Variants in THSD4 observed in about 807,000 individuals in gnomAD.
The protein encoded by THSD4 is thrombospondin type 1 domain containing 4, also known as thrombospondin type-1 domain-containing protein 4.
A neutral mutation model predicts 119.0 loss-of-function variants in THSD4; 69 were observed. That is an observed-to-expected ratio of 0.58 (90% CI 0.48 to 0.71). THSD4 has a LOEUF of 0.71. Ranked by LOEUF, THSD4 falls within the 30% of genes least tolerant of loss-of-function variation. THSD4 has a pLI of 0.00. For missense variants in THSD4, 1,393 were observed against 1,391.1 expected (o/e 1.00, Z -0.02); for synonymous variants, 524 against 540.4 (o/e 0.97, Z 0.42).
At chr15:71,598,755 CTACAGGCACA>C (rs2049952623) in intron 7 of THSD4, among the ~76,000 whole-genome samples, 1 of 151,988 alleles carries the variant, frequency 6.6e-6, no homozygotes, top group Non-Finnish European at 1.5e-5. Flanking sequence ...CTAGCTGGGA[CTACAGGCACA>C]TACCACCCCA....
intron 6 of THSD4, among the ~76,000 whole-genome samples, chr15:71,338,379 G>A (rs2045515353): frequency 6.6e-6 from 1 of 151,826 alleles, no homozygotes; most frequent in Non-Finnish European, 1.5e-5. Flanking sequence ...TTGGACCGGA[G>A]TCTGAACACT....
intron 6 of THSD4, among the ~76,000 whole-genome samples, chr15:71,385,174 T>TA (rs574112886): frequency 3.7e-4 from 56 of 151,542 alleles, no homozygotes; most frequent in Admixed American, 5.9e-4. Context: ...CCAATTCAGT[T>TA]AAAAAAAAAT....
chr15:71,583,427 T>C (rs2049596881), intron 7 of THSD4, among the ~76,000 whole-genome samples: 1 of 151,454 alleles, frequency 6.6e-6, no homozygotes, highest in African/African-American at 2.4e-5. Flanking sequence ...TAATCTTTAT[T>C]ACTTTCTTCC....
At chr15:71,171,881 T>A (rs922407219) in intron 3 of THSD4, among the ~76,000 whole-genome samples, 2 of 152,174 alleles carry the variant, frequency 1.3e-5, no homozygotes, top group African/African-American at 4.8e-5. Flanking sequence ...AAAGGAAGTA[T>A]GATATTATAA....
chr15:71,668,238 G>A (rs8036118), intron 8 of THSD4, among the ~76,000 whole-genome samples: 40,183 of 152,042 alleles, frequency 0.26, 6,210 homozygotes, highest in East Asian at 0.74. Flanking sequence ...TGATACTAAA[G>A]CGATTTAACT....
chr15:71,561,278 T>C (rs569193174), intron 7 of THSD4, among the ~76,000 whole-genome samples: 37 of 152,288 alleles, frequency 2.4e-4, no homozygotes, highest in African/African-American at 8.9e-4. Context: ...TCGGCTCTCT[T>C]TATCTTTAAA....
chr15:71,669,331 T>C (rs1200604733), intron 8 of THSD4, among the ~76,000 whole-genome samples: 1 of 152,248 alleles, frequency 6.6e-6, no homozygotes, highest in African/African-American at 2.4e-5. Flanking sequence ...AATAACCATT[T>C]TTGGTGATGT....
intron 13 of THSD4, 113 bp downstream of exon 13, chr15:71,747,155 C>A: frequency 7.9e-7 from 1 of 1,261,640 alleles, no homozygotes; most frequent in South Asian, 1.4e-5. Flanking sequence ...AGGAGGGAAC[C>A]CGTCCCGTGG....
chr15:71,253,459 G>A (rs181701728), intron 5 of THSD4, among the ~76,000 whole-genome samples: 1 of 152,040 alleles, frequency 6.6e-6, no homozygotes, highest in African/African-American at 2.4e-5. Flanking sequence ...CCAGGCTAGA[G>A]TGCAGAGGCG....
chr15:71,766,295 C>A lies in THSD4; in HGVS notation c.2769+1096C>A, dbSNP rs186245214. 7.0e-4 allele frequency among the ~76,000 whole-genome samples: 107 copies of A among 152,128 alleles called. 1 individual carries two copies. The highest frequency in any genetic ancestry group is 3.4e-3 in the Middle Eastern group (1 of 294). On this transcript the variant is annotated intron_variant, in intron 16 of 17. Coordinates refer to ENST00000261862, the MANE Select transcript of THSD4 (RefSeq NM_024817.3). ...CCAGAAAACCTCCTGAGGGCCCCAT[C>A]CCAGGTGACCATTGGCGTAGTTCTG... is the stretch of plus-strand genomic sequence containing the variant.
chr15:71,340,405 A>T (rs1292967551), intron 6 of THSD4, among the ~76,000 whole-genome samples: 2 of 152,182 alleles, frequency 1.3e-5, no homozygotes, highest in African/African-American at 4.8e-5. Context: ...CCAAAATGCC[A>T]TCCACCCTGT....
intron 16 of THSD4, chr15:71,766,686 A>G (rs1221882957): frequency 1.3e-5 from 2 of 152,170 alleles, no homozygotes; most frequent in Non-Finnish European, 2.9e-5. Context: ...TTCTTTTGTC[A>G]TCTGATTTGG....
chr15:71,744,533 GT>G (rs2053297884), intron 11 of THSD4, among the ~76,000 whole-genome samples: 1 of 152,158 alleles, frequency 6.6e-6, no homozygotes, highest in East Asian at 1.9e-4. Flanking sequence ...TTCTACTTCT[GT>G]GCTTCAACCT....
rs575877328 is a variant in THSD4, at chr15:71,683,489, A to G, written c.1357+22755A>G. 6.6e-5 allele frequency among the ~76,000 whole-genome samples: 10 copies of G among 152,274 alleles called. No homozygotes were observed. The East Asian group carries it at 1.7e-3, about 26-fold the overall frequency. On this transcript the variant is annotated intron_variant, in intron 8 of 17. Transcript: ENST00000261862. ...CTGGAGACGAAAGAACAAAAAGGTAATTTCAGATGATGAGACATGCTATAA... is the reference window on the plus strand; with the variant it reads ...CTGGAGACGAAAGAACAAAAAGGTAGTTTCAGATGATGAGACATGCTATAA...
chr15:71,588,385 C>T (rs542497332), intron 7 of THSD4, among the ~76,000 whole-genome samples: 9 of 150,430 alleles, frequency 6.0e-5, no homozygotes, highest in Admixed American at 3.3e-4. Context: ...CATACTGGTG[C>T]TTTTATTTAT....
At chr15:71,150,309 G>C (rs772964317) in intron 2 of THSD4, among the ~76,000 whole-genome samples, 12 of 152,210 alleles carry the variant, frequency 7.9e-5, no homozygotes, top group Non-Finnish European at 1.8e-4. Flanking sequence ...TTTGAAAAGA[G>C]GTGGGCACAG....
intron 2 of THSD4, among the ~76,000 whole-genome samples, chr15:71,153,204 A>G (rs2040742932): frequency 6.6e-6 from 1 of 152,086 alleles, no homozygotes; most frequent in African/African-American, 2.4e-5. Context: ...GAGAGTTCCT[A>G]CTTTTCCTTC....
At chr15:71,475,350 C>A (rs1287757740) in intron 7 of THSD4, among the ~76,000 whole-genome samples, 1 of 152,158 alleles carries the variant, frequency 6.6e-6, no homozygotes, top group Admixed American at 6.6e-5. Context: ...CCAAATTGTT[C>A]CCCATTTTGT....
intron 7 of THSD4, among the ~76,000 whole-genome samples, chr15:71,544,772 A>G (rs1312364906): frequency 6.6e-6 from 1 of 152,226 alleles, no homozygotes; most frequent in Non-Finnish European, 1.5e-5. Context: ...CCATTAACAG[A>G]TGGATGAATG....
Sources: gnomAD v4.1 joint callset for allele counts (sites outside exome capture counted in the v4.1 genomes callset) on GRCh38, gnomAD v4.1.1 for gene constraint, MANE v1.5 for transcripts, NCBI Gene and HGNC (gene_info 2026-07-23, HGNC 2026-07-21) for gene names.